The following ROBO2 variants were observed in gnomAD, a reference collection of about 807,000 sequenced individuals.
ROBO2 encodes roundabout homolog 2.
In ROBO2, 53 loss-of-function variants were observed where a neutral mutation model predicts 160.8. The observed-to-expected ratio is 0.33, with a 90% CI of 0.26 to 0.41. ROBO2 has a LOEUF of 0.41. Among genes scored for constraint, ROBO2 ranks in the 10% least tolerant of loss-of-function variants. ROBO2 has a pLI of 1.00. For missense variants in ROBO2, 1,577 were observed against 1,722.4 expected (o/e 0.92, Z 1.49); for synonymous variants, 664 against 611.7 (o/e 1.09, Z -1.26).
intron 2 of ROBO2, among the ~76,000 whole-genome samples, chr3:77,255,379 A>G (rs531303000): frequency 4.6e-5 from 7 of 152,234 alleles, no homozygotes; most frequent in Non-Finnish European, 7.3e-5. Flanking sequence ...CAGGGAATAT[A>G]GTAAAGCCCC....
intron 5 of ROBO2, among the ~76,000 whole-genome samples, chr3:77,516,693 C>T (rs1470571): frequency 0.8 from 121,165 of 151,554 alleles, 49,118 homozygotes; most frequent in African/African-American, 0.93. Flanking sequence ...GTAGCATTAA[C>T]GAATTAAATA....
intron 2 of ROBO2, among the ~76,000 whole-genome samples, chr3:77,277,190 TTC>T: frequency 7.6e-6 from 1 of 131,736 alleles, no homozygotes; most frequent in Non-Finnish European, 1.7e-5. Context: ...CTTTCTTTCT[TTC>T]TTTCTTTCTT....
intron 2 of ROBO2, among the ~76,000 whole-genome samples, chr3:77,022,976 C>A (rs991926636): frequency 6.6e-6 from 1 of 152,130 alleles, no homozygotes; most frequent in African/African-American, 2.4e-5. Context: ...CCTCTGACAA[C>A]CACCATTCTA....
intron 2 of ROBO2, among the ~76,000 whole-genome samples, chr3:76,187,835 C>T (rs1015068787): frequency 5.3e-5 from 8 of 152,018 alleles, no homozygotes; most frequent in Admixed American, 1.3e-4. Flanking sequence ...AATTTCAGAA[C>T]GCTGAATTGG....
chr3:77,543,865 C>G (rs1230427022), intron 6 of ROBO2, among the ~76,000 whole-genome samples: 2 of 152,076 alleles, frequency 1.3e-5, no homozygotes, highest in Admixed American at 1.3e-4. Flanking sequence ...AACTAATCAG[C>G]TAAATAGGTG....
chr3:76,407,964 T>C (rs1023580461), intron 2 of ROBO2, among the ~76,000 whole-genome samples: 1 of 151,990 alleles, frequency 6.6e-6, no homozygotes, highest in Non-Finnish European at 1.5e-5. Context: ...TTTAAGCTTA[T>C]CAGCCATTGC....
intron 6 of ROBO2, among the ~76,000 whole-genome samples, chr3:77,536,439 C>A (rs558556947): frequency 6.6e-6 from 1 of 151,934 alleles, no homozygotes; most frequent in Admixed American, 6.6e-5. Flanking sequence ...TCTCTCCCTC[C>A]ATCTCTTTCC....
intron 2 of ROBO2, among the ~76,000 whole-genome samples, chr3:76,593,578 T>C (rs1340353911): frequency 6.6e-6 from 1 of 152,086 alleles, no homozygotes; most frequent in Non-Finnish European, 1.5e-5. Flanking sequence ...AACTTATTAA[T>C]GGTTTTCAGA....
At chr3:76,407,601 G>GA (rs1197015201) in intron 2 of ROBO2, among the ~76,000 whole-genome samples, 1 of 151,890 alleles carries the variant, frequency 6.6e-6, no homozygotes, top group Non-Finnish European at 1.5e-5. Context: ...AGAGCAATAG[G>GA]AAAAAATGTC....
chr3:76,952,427 C>G (rs2079014327), intron 2 of ROBO2, among the ~76,000 whole-genome samples: 1 of 152,076 alleles, frequency 6.6e-6, no homozygotes, highest in South Asian at 2.1e-4. Flanking sequence ...GGATTACAGG[C>G]ATCTGCCACC....
intron 5 of ROBO2, among the ~76,000 whole-genome samples, chr3:77,509,173 C>T (rs2089022327): frequency 6.6e-6 from 1 of 151,992 alleles, no homozygotes; most frequent in African/African-American, 2.4e-5. Context: ...GTTTGCTCCT[C>T]CGGTGCCATC....
At chr3:77,446,459 C>T (rs758781743) in intron 2 of ROBO2, among the ~76,000 whole-genome samples, 1 of 152,084 alleles carries the variant, frequency 6.6e-6, no homozygotes, top group South Asian at 2.1e-4. Context: ...TCTCATTGCA[C>T]CCAAGTGCAG....
Position 76,713,089 on chromosome 3 carries a change from T to C in ROBO2, c.110-384925T>C, listed in dbSNP as rs2093325990. On this transcript the variant is annotated intron_variant, in intron 2 of 26. Transcript: ENST00000487694. ...AAACTGACGTTTTTCCAAAATTGCC[T>C]GATTTGGAGCTACTTTCTAACATCA... Among the ~76,000 whole-genome samples the C allele has an allele frequency of 2.0e-5, 3 of 152,200 alleles. No individual in the cohort carries two copies. The South Asian group carries it at 6.2e-4, about 31-fold the overall frequency.
intron 6 of ROBO2, among the ~76,000 whole-genome samples, chr3:77,530,734 T>C (rs563345706): frequency 1.3e-5 from 2 of 152,148 alleles, no homozygotes; most frequent in South Asian, 2.1e-4. Flanking sequence ...CCACAAGCCC[T>C]TCCTGTGGTT....
At chr3:76,087,358 G>T (rs1212420539) in intron 2 of ROBO2, among the ~76,000 whole-genome samples, 2 of 151,914 alleles carry the variant, frequency 1.3e-5, no homozygotes, top group Admixed American at 1.3e-4. Context: ...AAGAGAATGG[G>T]TTTAAATATT....
At chr3:77,476,085 G>A (rs191512947) in intron 2 of ROBO2, among the ~76,000 whole-genome samples, 2 of 152,298 alleles carry the variant, frequency 1.3e-5, no homozygotes, top group East Asian at 1.9e-4. Flanking sequence ...CCATGTTAAA[G>A]GGTGTGTTGC....
In ROBO2 at chr3:76,624,126, A is replaced by G. The variant is rs1228847826; in HGVS notation, c.110-473888A>G. On this transcript the variant is annotated intron_variant, in intron 2 of 26. Coordinates refer to the ROBO2 transcript ENST00000487694. The stretch of plus-strand genomic sequence containing the variant: ...TATGAATACGTGAACATAATTGTGT[A>G]AGAATTAACTGCTAATGTATTAATT... Among the ~76,000 whole-genome samples, 18 of 152,322 alleles carry G rather than the reference A, an allele frequency of 1.2e-4. No individual in the cohort carries two copies. In the East Asian group the frequency reaches 3.3e-3, roughly 28 times the overall value.
At chr3:77,125,887 C>A (rs1429971346) in intron 2 of ROBO2, among the ~76,000 whole-genome samples, 1 of 152,048 alleles carries the variant, frequency 6.6e-6, no homozygotes, top group South Asian at 2.1e-4. Flanking sequence ...GTTTAGTTCA[C>A]TTCTACTTCT....
chr3:76,581,740 C>G (rs536355357), intron 2 of ROBO2, among the ~76,000 whole-genome samples: 1 of 152,066 alleles, frequency 6.6e-6, no homozygotes, highest in African/African-American at 2.4e-5. Flanking sequence ...GGAGTTTAAT[C>G]TTAATTCATG....
Sources: gnomAD v4.1 joint callset for allele counts (sites outside exome capture counted in the v4.1 genomes callset) on GRCh38, gnomAD v4.1.1 for gene constraint, MANE v1.5 for transcripts, NCBI Gene and HGNC (gene_info 2026-07-23, HGNC 2026-07-21) for gene names.